The following MYO9A variants were observed in gnomAD, a reference collection of about 807,000 sequenced individuals.
MYO9A encodes the protein unconventional myosin-IXa.
A neutral mutation model predicts 293.3 loss-of-function variants in MYO9A; 103 were observed. That is an observed-to-expected ratio of 0.35 (90% CI 0.30 to 0.41). The LOEUF is 0.41. MYO9A is among the 10% of genes least tolerant of loss of function. MYO9A has a pLI of 1.00. For synonymous variants in MYO9A, 1,001 were observed against 1,035.7 expected, an observed-to-expected ratio of 0.97 and a Z score of 0.64; for missense variants, 2,685 against 3,033.0, an observed-to-expected ratio of 0.89 and a Z score of 2.69.
chr15:71,885,441 G>A (rs765038215), intron 27 of MYO9A, among the ~76,000 whole-genome samples: 18 of 151,698 alleles, frequency 1.2e-4, no homozygotes, highest in African/African-American at 3.4e-4. Flanking sequence ...TCACCTCCAC[G>A]TGTTTCCCCA....
chr15:72,032,271 C>T (rs1386679484), intron 3 of MYO9A, among the ~76,000 whole-genome samples: 1 of 152,106 alleles, frequency 6.6e-6, no homozygotes, highest in Non-Finnish European at 1.5e-5. Flanking sequence ...AAATGCAACA[C>T]ATTGACAACA....
chr15:71,893,623 A>G, intron 26 of MYO9A, 56 bp downstream of exon 26: 1 of 1,413,644 alleles, frequency 7.1e-7, no homozygotes, highest in Non-Finnish European at 9.9e-7. Flanking sequence ...ATAATTTCCA[A>G]AATAATGTAC....
chr15:72,075,790 AAAGT>A (rs2079331828), intron 1 of MYO9A, among the ~76,000 whole-genome samples: 1 of 151,950 alleles, frequency 6.6e-6, no homozygotes, highest in South Asian at 2.1e-4. Flanking sequence ...AAATAATAAT[AAAGT>A]AAGAAATACT....
intron 11 of MYO9A, 135 bp from the exon 12 acceptor site, chr15:71,978,427 T>C (rs1176520516): frequency 3.0e-6 from 2 of 666,954 alleles, no homozygotes; most frequent in African/African-American, 3.8e-5. Context: ...TGAAAGAATG[T>C]ATAATTTCAG....
At chr15:71,909,979 AATG>A (rs1465105236) in intron 19 of MYO9A, among the ~76,000 whole-genome samples, 1 of 151,592 alleles carries the variant, frequency 6.6e-6, no homozygotes. Context: ...GTCTCAAAAT[AATG>A]ATAATAATAA....
intron 8 of MYO9A, among the ~76,000 whole-genome samples, chr15:72,000,610 T>C (rs2076836231): frequency 6.6e-6 from 1 of 152,192 alleles, no homozygotes; most frequent in African/African-American, 2.4e-5. Context: ...TGCCCATATG[T>C]TCTTCAGATC....
intron 1 of MYO9A, among the ~76,000 whole-genome samples, chr15:72,116,685 T>C (rs1170698594): frequency 6.6e-6 from 1 of 152,204 alleles, no homozygotes; most frequent in African/African-American, 2.4e-5. Context: ...AGTTCTAGTA[T>C]CTGCAGCAAT....
At chr15:71,978,948 G>C (rs1188805557) in intron 11 of MYO9A, among the ~76,000 whole-genome samples, 1 of 151,192 alleles carries the variant, frequency 6.6e-6, no homozygotes, top group African/African-American at 2.4e-5. Context: ...CTTTTTAGAT[G>C]GTTTTTTTAA....
chr15:71,870,209 A>T (rs554508559), intron 32 of MYO9A, among the ~76,000 whole-genome samples: 1 of 151,976 alleles, frequency 6.6e-6, no homozygotes, highest in Non-Finnish European at 1.5e-5. Flanking sequence ...TCATGGTAAA[A>T]GTGGTTAAAA....
At chr15:72,099,580 C>A (rs1198541252) in intron 1 of MYO9A, among the ~76,000 whole-genome samples, 1 of 150,746 alleles carries the variant, frequency 6.6e-6, no homozygotes, top group Non-Finnish European at 1.5e-5. Flanking sequence ...CCAGCCTAGG[C>A]AACAGCGAGA....
chr15:71,864,770 G>A (rs1046899370), intron 32 of MYO9A, among the ~76,000 whole-genome samples: 1 of 152,126 alleles, frequency 6.6e-6, no homozygotes, highest in African/African-American at 2.4e-5. Context: ...ATCCAGAAAA[G>A]GTAAGACTAT....
chr15:71,978,631 T>G (rs1434531284), intron 11 of MYO9A, among the ~76,000 whole-genome samples: 2 of 152,090 alleles, frequency 1.3e-5, no homozygotes, highest in African/African-American at 4.8e-5. Context: ...CCACATGACT[T>G]TAAGCCATCA....
chr15:71,934,926 T>G (rs770346438), intron 17 of MYO9A, among the ~76,000 whole-genome samples: 1 of 150,916 alleles, frequency 6.6e-6, no homozygotes, highest in Non-Finnish European at 1.5e-5. Context: ...TATATATCAC[T>G]CAACCATTCA....
chr15:71,851,851 T>C (rs1367608495), intron 36 of MYO9A, among the ~76,000 whole-genome samples: 1 of 152,224 alleles, frequency 6.6e-6, no homozygotes. Flanking sequence ...ATTTTTAATA[T>C]TTTAATCTGT....
At chr15:71,925,185 ATG>A (rs374430226) in intron 18 of MYO9A, among the ~76,000 whole-genome samples, 209 of 3,030 alleles carry the variant, frequency 0.069, 18 homozygotes, top group Middle Eastern at 0.25. Context: ...ACATATATAC[ATG>A]TGTATATATA....
intron 19 of MYO9A, among the ~76,000 whole-genome samples, chr15:71,910,892 T>A (rs1393388081): frequency 6.6e-6 from 1 of 152,208 alleles, no homozygotes; most frequent in Non-Finnish European, 1.5e-5. Flanking sequence ...TTTCTTCTTT[T>A]AATGGTGACT....
chr15:71,839,007 A>T (rs2055044943), intron 39 of MYO9A, among the ~76,000 whole-genome samples: 1 of 152,228 alleles, frequency 6.6e-6, no homozygotes, highest in African/African-American at 2.4e-5. Context: ...AGAGATCTTT[A>T]ATCACACTTA....
At chr15:71,897,312 T>C in intron 25 of MYO9A, 149 bp downstream of exon 25, 1 of 815,846 alleles carries the variant, frequency 1.2e-6, no homozygotes, top group South Asian at 1.9e-5. Context: ...CAGGTGATGG[T>C]AGAGTCAACA....
At chr15:71,957,957 A>G (rs1047163737) in intron 14 of MYO9A, among the ~76,000 whole-genome samples, 1 of 152,146 alleles carries the variant, frequency 6.6e-6, no homozygotes, top group African/African-American at 2.4e-5. Context: ...AGTTCTACAT[A>G]CTGTATAATT....
Sources: gnomAD v4.1 joint callset for allele counts (sites outside exome capture counted in the v4.1 genomes callset) on GRCh38, gnomAD v4.1.1 for gene constraint, MANE v1.5 for transcripts, NCBI Gene and HGNC (gene_info 2026-07-23, HGNC 2026-07-21) for gene names.